Variants in PABPC4L observed in about 807,000 individuals in gnomAD.
The protein encoded by PABPC4L is poly(A) binding protein cytoplasmic 4 like, also known as polyadenylate-binding protein 4-like.
For synonymous variants in PABPC4L, 169 were observed against 164.1 expected, an observed-to-expected ratio of 1.03 and a Z score of -0.23; for missense variants, 452 against 451.4, an observed-to-expected ratio of 1.00 and a Z score of -0.01.
the PABPC4L span, among the ~76,000 whole-genome samples, chr4:134,100,971 C>T: frequency 1.3e-5 from 2 of 151,216 alleles, no homozygotes; most frequent in Non-Finnish European, 3.0e-5. Flanking sequence ...TGCCTTTTAT[C>T]TTCTAAGGAA....
chr4:134,193,539 G>A (rs564240123), downstream of PABPC4L, among the ~76,000 whole-genome samples: 28 of 151,958 alleles, frequency 1.8e-4, no homozygotes, highest in Non-Finnish European at 3.8e-4. Flanking sequence ...AGACTTTCCT[G>A]TCTCTTGAAA....
At chr4:134,113,447 T>A in the PABPC4L span, among the ~76,000 whole-genome samples, 1 of 151,974 alleles carries the variant, frequency 6.6e-6, no homozygotes, top group Admixed American at 6.6e-5. Context: ...TATAACTGCC[T>A]ACAGTATTTA....
At position 134,199,630 on chromosome 4, in the gene PABPC4L, T is replaced by C. The variant is rs937023362; in HGVS notation, c.*277A>G. ...ATTTCATTTGGTTCAAATGTAAAAA[T>C]ATATCTATTTATACTTATTGCTATG... On this transcript the variant is annotated 3_prime_UTR_variant, in exon 2 of 2. Transcript: ENST00000421491. 5.4e-5 allele frequency: 15 copies of C among 275,442 alleles called. No individual in the cohort carries two copies. The highest frequency in any genetic ancestry group is 3.1e-4 in the African/African-American group (14 of 45,688). 17.1% of individuals were successfully genotyped at this position (275,442 alleles called of 1,614,324 possible). A position where few individuals can be genotyped will look rare whatever the true frequency, so the allele number is the denominator to read the frequency against.
At chr4:134,135,180 A>G in the PABPC4L span, among the ~76,000 whole-genome samples, 28 of 152,244 alleles carry the variant, frequency 1.8e-4, no homozygotes, top group Non-Finnish European at 3.1e-4. Context: ...AATACATTAC[A>G]TTAGAAAAAC....
chr4:133,987,815 T>G, the PABPC4L span, among the ~76,000 whole-genome samples: 5 of 152,218 alleles, frequency 3.3e-5, no homozygotes, highest in Non-Finnish European at 7.3e-5. Flanking sequence ...TACTTTGTAT[T>G]AGTTTGTTCT....
At chr4:134,158,159 T>A in the PABPC4L span, among the ~76,000 whole-genome samples, 1 of 151,948 alleles carries the variant, frequency 6.6e-6, no homozygotes, top group Admixed American at 6.6e-5. Flanking sequence ...CAAATCTGAT[T>A]TGAAGTAATA....
the PABPC4L span, among the ~76,000 whole-genome samples, chr4:133,966,782 T>C: frequency 2.0e-5 from 3 of 151,994 alleles, no homozygotes; most frequent in Non-Finnish European, 4.4e-5. Context: ...ATAAGAATGA[T>C]ACAATGGACT....
chr4:134,145,805 G>A, the PABPC4L span, among the ~76,000 whole-genome samples: 10 of 151,912 alleles, frequency 6.6e-5, no homozygotes, highest in Admixed American at 3.3e-4. Flanking sequence ...TATAATTCTT[G>A]AGGCCTATAA....
the PABPC4L span, among the ~76,000 whole-genome samples, chr4:133,962,195 C>T: frequency 6.6e-6 from 1 of 152,120 alleles, no homozygotes; most frequent in East Asian, 1.9e-4. Context: ...ACCAGAAAAC[C>T]AACTCTGTTA....
chr4:134,004,241 G>A, the PABPC4L span, among the ~76,000 whole-genome samples: 1 of 151,650 alleles, frequency 6.6e-6, no homozygotes, highest in African/African-American at 2.4e-5. Flanking sequence ...TAAACCATAT[G>A]TCTAATGAGG....
chr4:134,018,628 A>G, the PABPC4L span, among the ~76,000 whole-genome samples: 2 of 152,136 alleles, frequency 1.3e-5, no homozygotes, highest in African/African-American at 4.8e-5. Context: ...ATGGATACAA[A>G]GATTTTCTTT....
chr4:134,155,951 T>A, the PABPC4L span, among the ~76,000 whole-genome samples: 1 of 151,972 alleles, frequency 6.6e-6, no homozygotes, highest in East Asian at 1.9e-4. Flanking sequence ...GCAGAAATGT[T>A]GAATTATAGT....
At chr4:134,101,995 C>T in the PABPC4L span, among the ~76,000 whole-genome samples, 2 of 151,464 alleles carry the variant, frequency 1.3e-5, no homozygotes, top group African/African-American at 4.8e-5. Context: ...TATTCCACTT[C>T]TCCAGAGCTG....
At chr4:134,054,450 A>G in the PABPC4L span, among the ~76,000 whole-genome samples, 811 of 151,632 alleles carry the variant, frequency 5.3e-3, 6 homozygotes, top group African/African-American at 0.018. Context: ...GTATAATACC[A>G]CAACAAGGAT....
At chr4:134,182,303 T>C in the PABPC4L span, among the ~76,000 whole-genome samples, 1 of 151,646 alleles carries the variant, frequency 6.6e-6, no homozygotes, top group Non-Finnish European at 1.5e-5. Flanking sequence ...CCAGAAATAA[T>C]ACCACACACT....
the PABPC4L span, among the ~76,000 whole-genome samples, chr4:134,033,061 C>T: frequency 1.3e-5 from 2 of 149,774 alleles, no homozygotes; most frequent in Non-Finnish European, 3.0e-5. Context: ...TTTATGGTAA[C>T]CCTGCATCCA....
At chr4:134,010,889 G>C in the PABPC4L span, among the ~76,000 whole-genome samples, 1 of 152,098 alleles carries the variant, frequency 6.6e-6, no homozygotes, top group Non-Finnish European at 1.5e-5. Flanking sequence ...CATGTTATCT[G>C]TTTAGACAGC....
At chr4:134,042,449 T>TA in the PABPC4L span, among the ~76,000 whole-genome samples, 3 of 152,190 alleles carry the variant, frequency 2.0e-5, no homozygotes, top group Non-Finnish European at 4.4e-5. Context: ...ATTAATTTTT[T>TA]AAAAAAGTAA....
the PABPC4L span, among the ~76,000 whole-genome samples, chr4:133,997,949 A>G: frequency 6.6e-6 from 1 of 151,898 alleles, no homozygotes; most frequent in Non-Finnish European, 1.5e-5. Flanking sequence ...TATATCAGCA[A>G]TATCTTCTCA....
Sources: gnomAD v4.1 joint callset for allele counts (sites outside exome capture counted in the v4.1 genomes callset) on GRCh38, gnomAD v4.1.1 for gene constraint, MANE v1.5 for transcripts, NCBI Gene and HGNC (gene_info 2026-07-23, HGNC 2026-07-21) for gene names.